The following MORC1 variants were observed in gnomAD, a reference collection of about 807,000 sequenced individuals.
MORC1 encodes the protein MORC family CW-type zinc finger protein 1.
Under a neutral mutation model 134.9 loss-of-function variants are expected in MORC1, and 59 were observed. That is an observed-to-expected ratio of 0.44 (90% CI 0.35 to 0.54). The LOEUF (loss-of-function observed/expected upper bound fraction) is 0.54. Among genes scored for constraint, MORC1 ranks in the 20% least tolerant of loss-of-function variants. The probability of loss-of-function intolerance (pLI) is 0.00; values close to 1 mark genes in which losing one functional copy is unlikely to be tolerated. For synonymous variants in MORC1, 395 were observed against 391.7 expected (o/e 1.01, Z -0.10); for missense variants, 947 against 1,134.5 (o/e 0.83, Z 2.37).
chr3:109,066,096 A>C (rs1052059431), intron 9 of MORC1, among the ~76,000 whole-genome samples: 1 of 152,054 alleles, frequency 6.6e-6, no homozygotes, highest in Admixed American at 6.6e-5. Flanking sequence ...GGGTGACAGG[A>C]TCCATACCCC....
At chr3:109,106,841 C>A (rs899500776) in intron 3 of MORC1, among the ~76,000 whole-genome samples, 3 of 152,190 alleles carry the variant, frequency 2.0e-5, no homozygotes, top group African/African-American at 7.2e-5. Flanking sequence ...TGCAGCCAGT[C>A]TTCCATCAGT....
chr3:108,975,571 T>G (rs181137038), intron 24 of MORC1, among the ~76,000 whole-genome samples: 31 of 152,210 alleles, frequency 2.0e-4, no homozygotes, highest in Non-Finnish European at 4.0e-4. Context: ...AAATCCAAGC[T>G]CTGTCACTTA....
At position 109,093,044 on chromosome 3, in the gene MORC1, T is replaced by C. The variant is rs183676961; in HGVS notation, c.689+392A>G. On this transcript the variant is annotated intron_variant, in intron 8 of 27. Coordinates refer to ENST00000232603, the MANE Select transcript of MORC1 (RefSeq NM_014429.4). The stretch of plus-strand genomic sequence containing the variant: ...TGTAATGAATAATAAACTCTGCAGG[T>C]TTTTTTCAGTTTTAATATCTACAAA... 6.5e-3 allele frequency among the ~76,000 whole-genome samples: 988 copies of C among 152,260 alleles called. 11 individuals carry two copies. Among genetic ancestry groups the C allele is most frequent in the Non-Finnish European group, 0.012 (796 of 68,018 alleles).
chr3:109,073,575 AC>A (rs1277298966), intron 8 of MORC1, among the ~76,000 whole-genome samples: 2 of 151,964 alleles, frequency 1.3e-5, no homozygotes, highest in African/African-American at 2.4e-5. Context: ...CAGACAACAG[AC>A]CCCCATCTAG....
At chr3:109,058,502 A>T (rs188633617) in intron 12 of MORC1, among the ~76,000 whole-genome samples, 1 of 152,076 alleles carries the variant, frequency 6.6e-6, no homozygotes, top group Admixed American at 6.6e-5. Context: ...ATTATAATTG[A>T]CATAATATAC....
rs1415566677 is a variant in MORC1 at position 109,032,804 on chromosome 3, ACT to A, written c.1479_1480del (p.Arg493SerfsTer7). The A allele has an allele frequency of 3.1e-6, 5 of 1,599,474 alleles. No individual in the cohort carries two copies. The highest frequency in any genetic ancestry group is 3.4e-6 in the Non-Finnish European group (4 of 1,169,874). Reference sequence around the variant, plus strand: ...CTGATAATTAGTAGAGGAAGGCAAGACTCTCCATTTAAGACAAAGATCTGACA... The same window carrying A: ...CTGATAATTAGTAGAGGAAGGCAAGACTCCATTTAAGACAAAGATCTGACA... On this transcript the variant is annotated frameshift_variant, in exon 16 of 28. Coordinates refer to ENST00000232603, the MANE Select transcript of MORC1 (RefSeq NM_014429.4). LOFTEE classifies it high-confidence loss of function.
Position 109,093,530 on chromosome 3 carries a change from C to T in MORC1, c.595G>A (p.Val199Ile). ...VIYGKCGTLL[V>I]IYNLKLLLNG... ...AGCAGAAGCTTCAAGTTATAAATAA[C>T]CAGCAAAGTACCTGGTAGAAAAATA... Residue 199 changes from valine (V) to isoleucine (I), a missense_variant, in exon 8 of 28, where the codon GTT (valine) becomes ATT (isoleucine). Around this residue, in one of 3 missense-constraint regions of MORC1, gnomAD observed 214 missense variants for 281.3 expected, o/e 0.76. Coordinates refer to ENST00000232603, the MANE Select transcript of MORC1 (RefSeq NM_014429.4). 6.2e-7 allele frequency: 1 copy of T among 1,611,412 alleles called. No homozygotes were observed. Among genetic ancestry groups the T allele is most frequent in the Non-Finnish European group, 8.5e-7 (1 of 1,177,762 alleles).
At chr3:109,080,114 A>G (rs1422866424) in intron 8 of MORC1, among the ~76,000 whole-genome samples, 2 of 152,140 alleles carry the variant, frequency 1.3e-5, no homozygotes, top group Non-Finnish European at 2.9e-5. Flanking sequence ...CCTTTCCCAT[A>G]TCATGTATTA....
chr3:108,985,955 C>T (rs1947883018), intron 22 of MORC1, among the ~76,000 whole-genome samples: 1 of 152,054 alleles, frequency 6.6e-6, no homozygotes, highest in African/African-American at 2.4e-5. Flanking sequence ...AGGGACCTCA[C>T]TAATGGGTTC....
At chr3:109,069,258 G>A (rs1478669155) in intron 9 of MORC1, among the ~76,000 whole-genome samples, 1 of 152,108 alleles carries the variant, frequency 6.6e-6, no homozygotes, top group Non-Finnish European at 1.5e-5. Context: ...CATTCTATAT[G>A]TATAATATAA....
At chr3:108,991,217 G>T (rs1388957053) in intron 21 of MORC1, among the ~76,000 whole-genome samples, 2 of 152,200 alleles carry the variant, frequency 1.3e-5, no homozygotes, top group Admixed American at 6.5e-5. Flanking sequence ...ACATATTCTG[G>T]ATGATATACT....
In MORC1 at chr3:109,022,419, ACAAT is replaced by A. The variant is rs573968083; in HGVS notation, c.1704+5328_1704+5331del. Among the ~76,000 whole-genome samples, 115 of 152,350 alleles carry A rather than the reference ACAAT, an allele frequency of 7.5e-4. No homozygotes were observed. The Middle Eastern group carries it at 0.014, about 18-fold the overall frequency. ...TCTTTGTTATGCATTTACTGCTAAA[ACAAT>A]CAATGTGGGAATTGCCAGATTATAC... On this transcript the variant is annotated intron_variant, in intron 17 of 27. Transcript: ENST00000232603.
intron 14 of MORC1, among the ~76,000 whole-genome samples, chr3:109,038,823 C>A (rs1331910764): frequency 1.3e-5 from 2 of 152,148 alleles, no homozygotes; most frequent in South Asian, 4.1e-4. Flanking sequence ...CAGTACCATG[C>A]TGTTTTGGTT....
At chr3:109,040,847 A>AAG (rs1553753799) in intron 14 of MORC1, among the ~76,000 whole-genome samples, 4 of 149,116 alleles carry the variant, frequency 2.7e-5, no homozygotes, top group Non-Finnish European at 6.0e-5. Flanking sequence ...AAAAAAAAAA[A>AAG]AAAGAAAGAA....
intron 17 of MORC1, among the ~76,000 whole-genome samples, chr3:109,022,398 T>C (rs1334925384): frequency 6.6e-6 from 1 of 152,232 alleles, no homozygotes; most frequent in Admixed American, 6.5e-5. Flanking sequence ...AAGCCTTCTT[T>C]GTTATGCATT....
rs1181488312 is a variant in MORC1 at position 109,005,273 on chromosome 3, A to G, written c.1810T>C (p.Leu604=). ...AAGGATGAAAGAGATTCATGCTTCAAGTCATCGCCCAAAAGCCTGATTTTC... is the reference window on the plus strand; with the variant it reads ...AAGGATGAAAGAGATTCATGCTTCAGGTCATCGCCCAAAAGCCTGATTTTC... ...TQKIRLLGDD[L]KHESLSSFEL... The change falls in exon 19 of 28, where the codon TTG becomes CTG. Residue 604 remains leucine, a synonymous_variant. Transcript: ENST00000232603. The G allele has an allele frequency of 1.2e-6, 2 of 1,609,288 alleles. No individual in the cohort carries two copies. The highest frequency in any genetic ancestry group is 1.1e-5 in the South Asian group (1 of 89,280).
intron 22 of MORC1, among the ~76,000 whole-genome samples, chr3:108,986,034 G>C: frequency 6.6e-6 from 1 of 152,176 alleles, no homozygotes; most frequent in East Asian, 1.9e-4. Context: ...AAGGAAAAAC[G>C]TGCCACCAAA....
chr3:108,962,689 T>C (rs1350667100), intron 27 of MORC1, among the ~76,000 whole-genome samples: 1 of 152,234 alleles, frequency 6.6e-6, no homozygotes, highest in Non-Finnish European at 1.5e-5. Flanking sequence ...ACAGGAAGAC[T>C]TTCAATCCTG....
intron 15 of MORC1, among the ~76,000 whole-genome samples, chr3:109,033,286 G>GAGGAAGGAAGGAAGGAAGGAAGGA (rs55742240): frequency 1.3e-4 from 18 of 136,918 alleles, no homozygotes; most frequent in Non-Finnish European, 1.7e-4. Flanking sequence ...AGCAAGAAAG[G>GAGGAAGGAAGGAAGGAAGGAAGGA]AGGAAGGAAG....
Sources: gnomAD v4.1 joint callset for allele counts (sites outside exome capture counted in the v4.1 genomes callset) on GRCh38, gnomAD v4.1.1 for gene constraint, gnomAD v4.1.1 regional missense constraint, MANE v1.5 for transcripts, NCBI Gene and HGNC (gene_info 2026-07-23, HGNC 2026-07-21) for gene names.